The following NCAN variants were observed in gnomAD, a reference collection of about 807,000 sequenced individuals.
The protein encoded by NCAN is neurocan core protein.
In NCAN, 47 loss-of-function variants were observed where a neutral mutation model predicts 121.8. The observed-to-expected ratio is 0.39, with a 90% CI of 0.31 to 0.49. The LOEUF is 0.49. NCAN is among the 20% of genes least tolerant of loss of function. NCAN has a pLI of 0.92. For synonymous variants in NCAN, 633 were observed against 702.0 expected (o/e 0.90, Z 1.55); for missense variants, 1,517 against 1,773.4 (o/e 0.86, Z 2.60).
chr19:19,215,603 G>C lies in NCAN; in HGVS notation c.-7-1344G>C, dbSNP rs1325491247. On this transcript the variant is annotated intron_variant, in intron 1 of 14. Transcript: ENST00000252575. ...GTTGAGCTGTGTGAAGTCAGGAGGA[G>C]GATGGGTGGGCAGGGGTGAGCCCCT... Among the ~76,000 whole-genome samples, 11 of 152,318 alleles carry C rather than the reference G, an allele frequency of 7.2e-5. No individual in the cohort carries two copies. In the East Asian group the frequency reaches 2.1e-3, roughly 29 times the overall value.
Position 19,245,467 on chromosome 19 carries a change from G to GC in NCAN, c.3637+15dup. 1.2e-6 allele frequency: 2 copies of GC among 1,610,074 alleles called. No individual in the cohort carries two copies. Among genetic ancestry groups the GC allele is most frequent in the South Asian group, 1.1e-5 (1 of 90,776 alleles). ...TGCAAGAAGGGCACAGGTATGCTGT[G>GC]CCCCCTGCTTCTTTTCCTCTCTGTC... On this transcript the variant is annotated intron_variant, in intron 13 of 14. Transcript: ENST00000252575.
intron 3 of NCAN, 54 bp downstream of exon 3, chr19:19,219,370 T>C: frequency 7.0e-7 from 1 of 1,428,386 alleles, no homozygotes; most frequent in Admixed American, 2.5e-5. Flanking sequence ...GGGCTGAGCC[T>C]GGAGCCCACC....
At position 19,224,184 on chromosome 19, in the gene NCAN, C is replaced by CCGCACTGTT. The variant is rs773693419; in HGVS notation, c.642_650dup (p.Thr215_Arg217dup). The CCGCACTGTT allele has an allele frequency of 6.3e-7, 1 of 1,590,334 alleles. No homozygotes were observed. The highest frequency in any genetic ancestry group is 8.6e-7 in the Non-Finnish European group (1 of 1,162,926). On this transcript the variant is annotated inframe_insertion, in exon 4 of 15. Coordinates refer to ENST00000252575, the MANE Select transcript of NCAN (RefSeq NM_004386.3). Reference sequence around the variant, plus strand: ...ACTGTGATGCTGGCTGGCTCTCTGACCGCACTGTTCGGTGAGGGGGATACA... The same window carrying CCGCACTGTT: ...ACTGTGATGCTGGCTGGCTCTCTGACCGCACTGTTCGCACTGTTCGGTGAGGGGGATACA...
chr19:19,238,061 G>A (rs2060888315), intron 10 of NCAN, among the ~76,000 whole-genome samples, 192 bp from the exon 11 acceptor site: 1 of 152,058 alleles, frequency 6.6e-6, no homozygotes, highest in Non-Finnish European at 1.5e-5. Context: ...AGAAAAAAAA[G>A]AAGTCAATAT....
At chr19:19,234,253 G>C (rs1012745529) in intron 9 of NCAN, among the ~76,000 whole-genome samples, 7 of 152,182 alleles carry the variant, frequency 4.6e-5, no homozygotes, top group Admixed American at 4.6e-4. Flanking sequence ...CACCAGAACT[G>C]TTGGGTGCTA....
At chr19:19,241,216 ACTGCACTTCAGC>A (rs2060902227) in intron 12 of NCAN, among the ~76,000 whole-genome samples, 1 of 151,598 alleles carries the variant, frequency 6.6e-6, no homozygotes, top group African/African-American at 2.4e-5. Flanking sequence ...AGATCACTCC[ACTGCACTTCAGC>A]CTGGGTGATG....
At chr19:19,235,140 T>A (rs367933863) in intron 10 of NCAN, 44 bp downstream of exon 10, 17 of 1,394,086 alleles carry the variant, frequency 1.2e-5, no homozygotes, top group Non-Finnish European at 1.7e-5. Flanking sequence ...AAGAGTGGGG[T>A]TGGGTGCCCA....
chr19:19,242,621 G>A (rs946620905), intron 12 of NCAN, among the ~76,000 whole-genome samples: 2 of 150,198 alleles, frequency 1.3e-5, no homozygotes, highest in Admixed American at 6.6e-5. Flanking sequence ...CCTGGAAGGC[G>A]TAGGTTGCAG....
chr19:19,247,462 C>T (rs1011876725), intron 13 of NCAN, among the ~76,000 whole-genome samples: 12 of 152,106 alleles, frequency 7.9e-5, no homozygotes, highest in Admixed American at 2.0e-4. Context: ...ACCGTGTTAG[C>T]CAGGATGGTC....
At chr19:19,218,052 G>A (rs1261113394) in intron 2 of NCAN, among the ~76,000 whole-genome samples, 1 of 151,768 alleles carries the variant, frequency 6.6e-6, no homozygotes, top group African/African-American at 2.4e-5. Flanking sequence ...GCCAAGGTAG[G>A]TGGATCAGTT....
At position 19,242,412 on chromosome 19, in the gene NCAN, G is replaced by A. The variant is rs542107528; in HGVS notation, c.3492+1727G>A. On this transcript the variant is annotated intron_variant, in intron 12 of 14. Transcript: ENST00000252575. ...TCAAACAAAACAAAACAGGCCAGGC[G>A]TGGTGGGTGACTCACGCCTGTAATC... 7.3e-5 allele frequency among the ~76,000 whole-genome samples: 11 copies of A among 150,422 alleles called. No individual in the cohort carries two copies. The East Asian group carries it at 8.1e-4, about 11-fold the overall frequency.
Position 19,248,814 on chromosome 19 carries a change from A to G in NCAN, c.3752A>G (p.His1251Arg). ...RYQCNEGFAQ[H>R]HVATIRCRSN... ...CAGTGCAATGAAGGATTTGCCCAGCACCATGTGGCCACCATTCGATGCCGG... is the reference window on the plus strand; with the variant it reads ...CAGTGCAATGAAGGATTTGCCCAGCGCCATGTGGCCACCATTCGATGCCGG... The change falls in exon 14 of 15, where the codon CAC becomes CGC. Residue 1251 changes from histidine to arginine, a missense_variant. Coordinates refer to ENST00000252575, the MANE Select transcript of NCAN (RefSeq NM_004386.3). 1 of 1,614,208 alleles carries G rather than the reference A, an allele frequency of 6.2e-7. No individual in the cohort carries two copies. The highest frequency in any genetic ancestry group is 8.5e-7 in the Non-Finnish European group (1 of 1,180,038).
In NCAN at chr19:19,224,047, C is replaced by A; in HGVS notation, c.502C>A (p.Arg168=). Residue 168 remains arginine, a synonymous_variant, in exon 4 of 15, where the codon CGG becomes AGG. Coordinates refer to ENST00000252575, the MANE Select transcript of NCAN (RefSeq NM_004386.3). ...TGTTGTGTTCCACTACCGATCAGCC[C>A]GGGACCGCTATGCACTGACCTTCGC... ...TGVVFHYRSA[R]DRYALTFAEA... 1 of 1,564,434 alleles carries A rather than the reference C, an allele frequency of 6.4e-7. No homozygotes were observed. The highest frequency in any genetic ancestry group is 8.7e-7 in the Non-Finnish European group (1 of 1,149,782).
Position 19,228,009 on chromosome 19 carries a change from G to GC in NCAN, c.2395dup (p.Leu799ProfsTer24). 6.2e-7 allele frequency: 1 copy of GC among 1,613,384 alleles called. No individual in the cohort carries two copies. Reference sequence around the variant, plus strand: ...AGGGCTGGATGCAAGTTCCCCATCTGCCCCCCTGGGGAGCCCTGGAGTCTT... The same window carrying GC: ...AGGGCTGGATGCAAGTTCCCCATCTGCCCCCCCTGGGGAGCCCTGGAGTCTT... On this transcript the variant is annotated frameshift_variant, in exon 8 of 15. Coordinates refer to ENST00000252575, the MANE Select transcript of NCAN (RefSeq NM_004386.3). LOFTEE classifies it high-confidence loss of function.
At chr19:19,240,083 C>G (rs1266554128) in intron 11 of NCAN, among the ~76,000 whole-genome samples, 2 of 129,674 alleles carry the variant, frequency 1.5e-5, no homozygotes, top group Non-Finnish European at 3.3e-5. Flanking sequence ...CCTCCTGCTC[C>G]TCATCCTCCC....
intron 3 of NCAN, among the ~76,000 whole-genome samples, chr19:19,223,464 T>C (rs188414129): frequency 1.3e-5 from 2 of 152,308 alleles, no homozygotes; most frequent in Non-Finnish European, 2.9e-5. Flanking sequence ...TAAATGCTTT[T>C]CTTTTTTTTA....
chr19:19,242,117 C>A (rs1173324444), intron 12 of NCAN, among the ~76,000 whole-genome samples: 1 of 151,786 alleles, frequency 6.6e-6, no homozygotes, highest in Non-Finnish European at 1.5e-5. Flanking sequence ...ATCACTTGAA[C>A]CCGGGAGGCA....
At position 19,238,204 on chromosome 19, in the gene NCAN, G is replaced by A. The variant is rs1189028622; in HGVS notation, c.3251-49G>A. On this transcript the variant is annotated intron_variant, in intron 10 of 14. Coordinates refer to ENST00000252575, the MANE Select transcript of NCAN (RefSeq NM_004386.3). ...GGCTGGCTGTGCTCATGGCTGGTAG[G>A]CCTTGGGCCAAGGCCAGCCCCCCCT... The A allele has an allele frequency of 1.9e-6, 3 of 1,611,362 alleles. No homozygotes were observed. The African/African-American group carries it at 4.0e-5, about 22-fold the overall frequency.
Position 19,245,434 on chromosome 19 carries a change from C to G in NCAN, c.3614C>G (p.Pro1205Arg). ...WNDVPCNYNLPYVCKKGTVLC... is the reference protein window; with the variant it reads ...WNDVPCNYNLRYVCKKGTVLC... ...GATGTCCCCTGCAACTACAACCTAC[C>G]CTATGTCTGCAAGAAGGGCACAGGT... The change falls in exon 13 of 15, where the codon CCC becomes CGC. Residue 1205 changes from proline to arginine, a missense_variant. By Grantham distance (103) the Pro-to-Arg change is moderately radical (BLOSUM62 -2). Transcript: ENST00000252575. 2 of 1,614,136 alleles carry G rather than the reference C, an allele frequency of 1.2e-6. No homozygotes were observed. The highest frequency in any genetic ancestry group is 1.7e-6 in the Non-Finnish European group (2 of 1,179,980).
Sources: allele counts gnomAD v4.1 joint callset (sites outside exome capture counted in the v4.1 genomes callset), GRCh38; gene constraint gnomAD v4.1.1; transcripts MANE v1.5; gene names NCBI Gene and HGNC (gene_info 2026-07-23, HGNC 2026-07-21).